C7: variants seen among roughly 807,000 people sequenced by gnomAD.
C7 encodes the protein complement component C7.
A neutral mutation model predicts 104.8 loss-of-function variants in C7; 83 were observed. That is an observed-to-expected ratio of 0.79 (90% CI 0.66 to 0.95). The LOEUF is 0.95. C7 is among the 40% of genes least tolerant of loss of function. The probability of loss-of-function intolerance (pLI) is 0.00; values close to 1 mark genes in which losing one functional copy is unlikely to be tolerated. For missense variants in C7, 1,070 were observed against 1,011.2 expected (o/e 1.06, Z -0.79); for synonymous variants, 415 against 360.6 (o/e 1.15, Z -1.71).
intron 7 of C7, among the ~76,000 whole-genome samples, chr5:40,947,120 T>G (rs1192558204): frequency 6.9e-6 from 1 of 144,476 alleles, no homozygotes; most frequent in Non-Finnish European, 1.5e-5. Flanking sequence ...TTTTTTTTGA[T>G]ATTGGGTCTC....
intron 6 of C7, among the ~76,000 whole-genome samples, chr5:40,939,643 C>T (rs1190093856): frequency 6.6e-6 from 1 of 152,084 alleles, no homozygotes; most frequent in Non-Finnish European, 1.5e-5. Context: ...AATTTTTTTT[C>T]TCCCTCTATA....
intron 17 of C7, among the ~76,000 whole-genome samples, chr5:40,981,187 A>C (rs2111735818): frequency 2.0e-5 from 3 of 152,314 alleles, no homozygotes; most frequent in Admixed American, 2.0e-4. Context: ...AAAGCCTGCT[A>C]CCAACCTCAA....
chr5:40,974,355 T>G (rs931787128), intron 15 of C7, among the ~76,000 whole-genome samples: 2 of 151,284 alleles, frequency 1.3e-5, no homozygotes, highest in Non-Finnish European at 2.9e-5. Context: ...TCTTCTTAAA[T>G]GCAAAAATTC....
At position 40,939,592 on chromosome 5, in the gene C7, C is replaced by T. The variant is rs903476188; in HGVS notation, c.567+1902C>T. The stretch of plus-strand genomic sequence containing the variant: ...TGAATAACATGTATTACAATTTAAC[C>T]TTTGGCCAGAAAGGAGAATGTAAGA... On this transcript the variant is annotated intron_variant, in intron 6 of 17. Transcript: ENST00000313164. Among the ~76,000 whole-genome samples the T allele has an allele frequency of 5.9e-5, 9 of 152,192 alleles. No individual in the cohort carries two copies. The South Asian group carries it at 1.7e-3, about 28-fold the overall frequency.
At chr5:40,918,220 GT>G (rs1487275212) in intron 1 of C7, among the ~76,000 whole-genome samples, 1 of 151,950 alleles carries the variant, frequency 6.6e-6, no homozygotes, top group Admixed American at 6.6e-5. Flanking sequence ...TTAGCTGGAT[GT>G]GGTGGCACGT....
At chr5:40,922,337 T>C (rs1739455445) in intron 1 of C7, among the ~76,000 whole-genome samples, 1 of 119,796 alleles carries the variant, frequency 8.3e-6, no homozygotes. Flanking sequence ...ATTGTGTCAC[T>C]GCACTCCATC....
intron 12 of C7, among the ~76,000 whole-genome samples, chr5:40,960,962 T>A (rs1259719296): frequency 6.6e-6 from 1 of 152,196 alleles, no homozygotes; most frequent in Non-Finnish European, 1.5e-5. Flanking sequence ...ACTTGTGGGA[T>A]GATATTAGGA....
At chr5:40,927,660 A>C (rs762634215) in intron 1 of C7, among the ~76,000 whole-genome samples, 1 of 152,180 alleles carries the variant, frequency 6.6e-6, no homozygotes, top group Non-Finnish European at 1.5e-5. Flanking sequence ...AAGAGAAGAC[A>C]TGCAAATGGC....
chr5:40,975,034 T>C (rs1740784476), intron 15 of C7, among the ~76,000 whole-genome samples: 3 of 152,186 alleles, frequency 2.0e-5, no homozygotes, highest in Admixed American at 2.0e-4. Context: ...GATTTCCAGA[T>C]GTCCCCTGGG....
chr5:40,967,122 G>A (rs1211581339), intron 14 of C7, among the ~76,000 whole-genome samples: 4 of 149,724 alleles, frequency 2.7e-5, no homozygotes, highest in Admixed American at 2.7e-4. Context: ...CTGGAGTGCA[G>A]TGGCGTGATC....
At position 40,917,889 on chromosome 5, in the gene C7, A is replaced by G. The variant is rs375796689; in HGVS notation, c.6+8273A>G. ...ATAGTAACACTAAAATAACTTTTCA[A>G]AGGATACACATGATGTAAATTCTGA... On this transcript the variant is annotated intron_variant, in intron 1 of 17. Transcript: ENST00000313164. 1.2e-4 allele frequency among the ~76,000 whole-genome samples: 18 copies of G among 152,294 alleles called. No homozygotes were observed. In the East Asian group the frequency reaches 3.5e-3, roughly 29 times the overall value.
intron 17 of C7, 34 bp downstream of exon 17, chr5:40,979,943 T>C: frequency 6.6e-7 from 1 of 1,525,148 alleles, no homozygotes. Flanking sequence ...AGTATAAGAA[T>C]GCTAAAGTCA....
At chr5:40,955,673 C>A in intron 10 of C7, 120 bp downstream of exon 10, 1 of 778,294 alleles carries the variant, frequency 1.3e-6, no homozygotes, top group East Asian at 2.7e-5. Context: ...TTTCCGTATC[C>A]CAATTATATT....
At chr5:40,945,934 T>G (rs1740039046) in intron 7 of C7, among the ~76,000 whole-genome samples, 2 of 147,238 alleles carry the variant, frequency 1.4e-5, no homozygotes. Context: ...AGTTTTAAAC[T>G]TCTCATTAAA....
intron 12 of C7, among the ~76,000 whole-genome samples, chr5:40,961,421 G>C (rs1328972713): frequency 6.7e-6 from 1 of 149,696 alleles, no homozygotes; most frequent in Non-Finnish European, 1.5e-5. Flanking sequence ...GTCTCACTCT[G>C]TCACCCAGGC....
At chr5:40,916,025 G>C (rs1739308855) in intron 1 of C7, among the ~76,000 whole-genome samples, 1 of 152,132 alleles carries the variant, frequency 6.6e-6, no homozygotes, top group Admixed American at 6.6e-5. Flanking sequence ...GGATGCATTT[G>C]ATATTCTTAG....
chr5:40,947,190 C>T (rs978668341), intron 7 of C7, among the ~76,000 whole-genome samples: 1 of 150,330 alleles, frequency 6.7e-6, no homozygotes, highest in Non-Finnish European at 1.5e-5. Flanking sequence ...ATCACTGCCT[C>T]CTGGGTTCAA....
intron 14 of C7, among the ~76,000 whole-genome samples, chr5:40,968,568 T>TTATATA (rs1240185830): frequency 7.4e-3 from 468 of 63,470 alleles, no homozygotes; most frequent in Middle Eastern, 0.01. Flanking sequence ...TATATATATT[T>TTATATA]TATATATATA....
At chr5:40,972,927 A>G (rs138432503) in intron 15 of C7, among the ~76,000 whole-genome samples, 77 of 152,078 alleles carry the variant, frequency 5.1e-4, no homozygotes, top group Admixed American at 3.3e-3. Flanking sequence ...TTTCCTCTAG[A>G]TTTTTTTCCC....
Sources: gnomAD v4.1 joint callset for allele counts (sites outside exome capture counted in the v4.1 genomes callset) on GRCh38, gnomAD v4.1.1 for gene constraint, MANE v1.5 for transcripts, NCBI Gene and HGNC (gene_info 2026-07-23, HGNC 2026-07-21) for gene names.